DCTN5: variants seen among roughly 807,000 people sequenced by gnomAD.
DCTN5 encodes dynactin 4.
Under a neutral mutation model 23.5 loss-of-function variants are expected in DCTN5, and 14 were observed. The observed-to-expected ratio is 0.60, with a 90% CI of 0.39 to 0.93. The LOEUF is 0.93. Among genes scored for constraint, DCTN5 ranks in the 40% least tolerant of loss-of-function variants. DCTN5 has a pLI of 0.00. For synonymous variants in DCTN5, 67 were observed against 79.6 expected (o/e 0.84, Z 0.84); for missense variants, 156 against 225.9 (o/e 0.69, Z 1.98).
chr16:23,642,851 C>A, intron 1 of DCTN5, 104 bp from the exon 2 acceptor site: 1 of 963,652 alleles, frequency 1.0e-6, no homozygotes, highest in Admixed American at 1.8e-5. Flanking sequence ...GACAGCACCC[C>A]ACTTTATGTT....
chr16:23,653,362 C>G (rs1266384359), intron 2 of DCTN5, among the ~76,000 whole-genome samples: 1 of 152,092 alleles, frequency 6.6e-6, no homozygotes, highest in Non-Finnish European at 1.5e-5. Context: ...AGACACAGAA[C>G]AATGGAACAG....
At chr16:23,646,333 C>A (rs368285035) in intron 2 of DCTN5, among the ~76,000 whole-genome samples, 56 of 152,236 alleles carry the variant, frequency 3.7e-4, no homozygotes, top group African/African-American at 1.2e-3. Flanking sequence ...GGATATTAAA[C>A]ACTTATCAGA....
chr16:23,655,169 T>G (rs1040390691), intron 2 of DCTN5, among the ~76,000 whole-genome samples: 1 of 152,200 alleles, frequency 6.6e-6, no homozygotes, highest in Non-Finnish European at 1.5e-5. Context: ...TATTTTTTCC[T>G]TTTTATAGCT....
At position 23,644,294 on chromosome 16, in the gene DCTN5, A is replaced by ATTTTT. The variant is rs534821955; in HGVS notation, c.117+1291_117+1295dup. Among the ~76,000 whole-genome samples the ATTTTT allele has an allele frequency of 1.1e-3, 103 of 97,312 alleles. 1 individual carries two copies. The highest frequency in any genetic ancestry group is 2.5e-3 in the African/African-American group (59 of 23,852). 63.8% of individuals were successfully genotyped at this position (97,312 alleles called of 152,430 possible). A position where few individuals can be genotyped will look rare whatever the true frequency, so the allele number is the denominator to read the frequency against. ...AGGCTCCCGCCATCATGCCCACCTA[A>ATTTTT]TTTTTTTTTTTTTTTTTTTTTTTTG... On this transcript the variant is annotated intron_variant, in intron 2 of 5. Transcript: ENST00000300087.
chr16:23,643,187 T>TG (rs1266853837), intron 2 of DCTN5, among the ~76,000 whole-genome samples, 164 bp downstream of exon 2: 2 of 149,552 alleles, frequency 1.3e-5, no homozygotes, highest in East Asian at 1.9e-4. Flanking sequence ...CTCCTTTTTG[T>TG]TTTTTTTTTG....
intron 2 of DCTN5, chr16:23,657,688 T>TCCA: frequency 1.3e-5 from 3 of 227,010 alleles, no homozygotes; most frequent in Non-Finnish European, 2.7e-5. Context: ...GCAATCCACC[T>TCCA]GCTTCGGCCT....
intron 2 of DCTN5, among the ~76,000 whole-genome samples, chr16:23,646,290 CTTAT>C (rs1967457113): frequency 6.6e-6 from 1 of 151,970 alleles, no homozygotes; most frequent in Non-Finnish European, 1.5e-5. Flanking sequence ...TTGTCTTTTT[CTTAT>C]TGAGTTCTAG....
chr16:23,659,024 C>G (rs1967763927), intron 3 of DCTN5, among the ~76,000 whole-genome samples: 1 of 152,182 alleles, frequency 6.6e-6, no homozygotes, highest in Admixed American at 6.5e-5. Context: ...GCCCTTCTCT[C>G]TGCATTTCTA....
intron 2 of DCTN5, among the ~76,000 whole-genome samples, chr16:23,652,300 T>A (rs1967620080): frequency 6.6e-6 from 1 of 152,192 alleles, no homozygotes; most frequent in African/African-American, 2.4e-5. Flanking sequence ...CAGACCTTTA[T>A]TTACAACTGC....
At chr16:23,646,373 C>G (rs1020095654) in intron 2 of DCTN5, among the ~76,000 whole-genome samples, 3 of 152,054 alleles carry the variant, frequency 2.0e-5, no homozygotes, top group Non-Finnish European at 4.4e-5. Flanking sequence ...TTCTTCCTTT[C>G]TGTAGATTTT....
chr16:23,661,378 A>C (rs1192097657), intron 4 of DCTN5, 97 bp downstream of exon 4: 4 of 833,774 alleles, frequency 4.8e-6, no homozygotes, highest in Non-Finnish European at 3.9e-6. Context: ...TAAGCAGGGT[A>C]GCAGTGGTTT....
rs1212579882 is a variant in DCTN5, at chr16:23,673,333, T to C, written c.*6189T>C. 2 of 152,206 alleles carry C rather than the reference T, an allele frequency of 1.3e-5. No individual in the cohort carries two copies. Among genetic ancestry groups the C allele is most frequent in the African/African-American group, 4.8e-5 (2 of 41,452 alleles). The allele number at this position is 152,206 out of a possible 1,614,324, so 9.4% of individuals were successfully genotyped here. A position where few individuals can be genotyped will look rare whatever the true frequency, so the allele number is the denominator to read the frequency against. On this transcript the variant is annotated 3_prime_UTR_variant, in exon 6 of 6. Transcript: ENST00000300087. Reference sequence around the variant, plus strand: ...TTTTACCATGTTGCCCAGACTAGTCTTGAACTCCTGGGCTCAAGCGATCTT... The same window carrying C: ...TTTTACCATGTTGCCCAGACTAGTCCTGAACTCCTGGGCTCAAGCGATCTT...
chr16:23,657,746 A>G (rs528670447), intron 2 of DCTN5, among the ~76,000 whole-genome samples: 1 of 152,308 alleles, frequency 6.6e-6, no homozygotes, highest in South Asian at 2.1e-4. Flanking sequence ...CTGGCCAGAA[A>G]AAATTTTTTA....
intron 2 of DCTN5, 37 bp from the exon 3 acceptor site, chr16:23,658,470 A>G (rs749004837): frequency 8.8e-6 from 12 of 1,365,744 alleles, no homozygotes; most frequent in African/African-American, 2.9e-5. Flanking sequence ...GTCTTAGGCT[A>G]TGTTGCTAAT....
At chr16:23,657,422 C>T (rs542147128) in intron 2 of DCTN5, 54 of 394,788 alleles carry the variant, frequency 1.4e-4, no homozygotes, top group Middle Eastern at 1.7e-3. Context: ...TGGCACTGCA[C>T]TGCAGCCTGG....
chr16:23,670,615 G>T lies in DCTN5; in HGVS notation c.*3471G>T, dbSNP rs1967988304. On this transcript the variant is annotated 3_prime_UTR_variant, in exon 6 of 6. Coordinates refer to ENST00000300087, the MANE Select transcript of DCTN5 (RefSeq NM_032486.4). ...GACTATAGGTAGTCAAATCCAGCTG[G>T]CTGGTCTCCTGGGGGTTAGCTTCCA... 6.6e-6 allele frequency: 1 copy of T among 152,094 alleles called. No homozygotes were observed. The highest frequency in any genetic ancestry group is 1.5e-5 in the Non-Finnish European group (1 of 68,020). The allele number at this position is 152,094 out of a possible 1,614,324, so 9.4% of individuals were successfully genotyped here.
chr16:23,642,238 G>A (rs1967299195), intron 1 of DCTN5, among the ~76,000 whole-genome samples: 1 of 152,010 alleles, frequency 6.6e-6, no homozygotes, highest in Admixed American at 6.6e-5. Flanking sequence ...CTGCCGATTT[G>A]GTTCTTTATG....
chr16:23,658,423 A>G (rs774223552), intron 2 of DCTN5, 84 bp from the exon 3 acceptor site: 4 of 863,550 alleles, frequency 4.6e-6, no homozygotes, highest in Non-Finnish European at 5.9e-6. Flanking sequence ...AACATAACTC[A>G]GAATCAGTAT....
intron 3 of DCTN5, among the ~76,000 whole-genome samples, chr16:23,660,456 G>A (rs534186456): frequency 6.6e-6 from 1 of 152,286 alleles, no homozygotes; most frequent in Admixed American, 6.5e-5. Flanking sequence ...CCTAGAGAAC[G>A]GGATGGGAAT....
Sources: gnomAD v4.1 joint callset for allele counts (sites outside exome capture counted in the v4.1 genomes callset) on GRCh38, gnomAD v4.1.1 for gene constraint, MANE v1.5 for transcripts, NCBI Gene and HGNC (gene_info 2026-07-23, HGNC 2026-07-21) for gene names.